FAM228B: variants seen among roughly 807,000 people sequenced by gnomAD.
FAM228B encodes family with sequence similarity 228 member B, also known as protein FAM228B.
A neutral mutation model predicts 42.6 loss-of-function variants in FAM228B; 38 were observed. The observed-to-expected ratio is 0.89, with a 90% CI of 0.69 to 1.17. The LOEUF (loss-of-function observed/expected upper bound fraction) is 1.17, where lower values mean the gene tolerates loss of function less well. Ranked by LOEUF, FAM228B falls within the 50% of genes most tolerant of loss-of-function variation. The probability of loss-of-function intolerance (pLI) is 0.00; values close to 1 mark genes in which losing one functional copy is unlikely to be tolerated. For missense variants in FAM228B, 344 were observed against 367.3 expected (o/e 0.94, Z 0.52); for synonymous variants, 109 against 122.3 (o/e 0.89, Z 0.72).
intron 1 of FAM228B, among the ~76,000 whole-genome samples, chr2:24,123,876 G>A (rs1200594077): frequency 6.6e-6 from 1 of 152,172 alleles, no homozygotes; most frequent in Non-Finnish European, 1.5e-5. Flanking sequence ...CGTGCCTCGG[G>A]GAGGACTTCG....
At chr2:24,151,309 C>G (rs1375418712) in intron 7 of FAM228B, among the ~76,000 whole-genome samples, 1 of 150,738 alleles carries the variant, frequency 6.6e-6, no homozygotes, top group Non-Finnish European at 1.5e-5. Context: ...TTTTTTGAGA[C>G]AGAGTCTTGC....
intron 3 of FAM228B, chr2:24,096,015 T>G (rs1665490685): frequency 6.6e-6 from 1 of 152,108 alleles, no homozygotes; most frequent in Admixed American, 6.6e-5. Flanking sequence ...TCCAGCAAAC[T>G]CCAACCGACC....
rs1278647501 is a variant in FAM228B at position 24,084,401 on chromosome 2, C to A, written c.-210+3446C>A. 1 of 1,449,170 alleles carries A rather than the reference C, an allele frequency of 6.9e-7. No individual in the cohort carries two copies. Among genetic ancestry groups the A allele is most frequent in the African/African-American group, 1.4e-5 (1 of 71,078 alleles). 89.8% of individuals were successfully genotyped at this position (1,449,170 alleles called of 1,614,324 possible). On this transcript the variant is annotated intron_variant, in intron 2 of 10. Transcript: ENST00000613899. The surrounding 1 kb of genome is among the most constrained non-coding windows in gnomAD (Gnocchi z 8.4). ...CAGGGCAGGACAGGACAGGGCAGGG[C>A]AGGACAGGACAGGGCAGGGGCCGCT...
At chr2:24,104,734 G>T (rs1665671492) in intron 3 of FAM228B, among the ~76,000 whole-genome samples, 1 of 152,188 alleles carries the variant, frequency 6.6e-6, no homozygotes. Context: ...CTGCTTCTGT[G>T]TGGATTCAAC....
At chr2:24,129,186 C>G (rs561817916) in intron 2 of FAM228B, among the ~76,000 whole-genome samples, 1 of 152,288 alleles carries the variant, frequency 6.6e-6, no homozygotes, top group East Asian at 1.9e-4. Flanking sequence ...CTCCAGACTC[C>G]CATCCCCACT....
At position 24,080,981 on chromosome 2, in the gene FAM228B, C is replaced by CATGGATTAGCAGG. The variant is rs745484769; in HGVS notation, c.-210+27_-210+28insTGGATTAGCAGGA. 1 of 1,614,092 alleles carries CATGGATTAGCAGG rather than the reference C, an allele frequency of 6.2e-7. No homozygotes were observed. Among genetic ancestry groups the CATGGATTAGCAGG allele is most frequent in the Non-Finnish European group, 8.5e-7 (1 of 1,180,054 alleles). On this transcript the variant is annotated intron_variant, in intron 2 of 10. Coordinates refer to the FAM228B transcript ENST00000613899. The surrounding 1 kb of genome is among the most constrained non-coding windows in gnomAD (Gnocchi z 4.7). Reference sequence around the variant, plus strand: ...GTGAGTTGGATAGCAGCTGTGCCCACACCACTCAGTCCTGCATGGATTAGC... The same window carrying CATGGATTAGCAGG: ...GTGAGTTGGATAGCAGCTGTGCCCACATGGATTAGCAGGACCACTCAGTCCTGCATGGATTAGC...
chr2:24,104,054 A>G (rs1373238420), intron 3 of FAM228B, among the ~76,000 whole-genome samples: 1 of 152,204 alleles, frequency 6.6e-6, no homozygotes, highest in Non-Finnish European at 1.5e-5. Flanking sequence ...CAGGCCGATC[A>G]TCTGAAAAAC....
intron 7 of FAM228B, among the ~76,000 whole-genome samples, chr2:24,158,746 G>T (rs984903764): frequency 1.3e-5 from 2 of 152,152 alleles, no homozygotes; most frequent in African/African-American, 2.4e-5. Context: ...CTAGATTTTG[G>T]TGACTACATT....
intron 9 of FAM228B, chr2:24,165,223 C>A: frequency 3.4e-6 from 1 of 297,182 alleles, no homozygotes; most frequent in Non-Finnish European, 7.2e-6. Context: ...GAAGAGCTGG[C>A]ACCGATGTCT....
intron 2 of FAM228B, among the ~76,000 whole-genome samples, chr2:24,086,282 TG>T (rs1399647537): frequency 6.7e-6 from 1 of 148,190 alleles, no homozygotes; most frequent in Non-Finnish European, 1.5e-5. Flanking sequence ...GAGGAATGGA[TG>T]AAGAAGATTC....
chr2:24,137,870 T>G (rs761382613), intron 3 of FAM228B, 39 bp from the exon 4 acceptor site: 21 of 1,416,424 alleles, frequency 1.5e-5, no homozygotes, highest in Non-Finnish European at 2.0e-5. Context: ...AAGAAAGCTT[T>G]AGGATAATAT....
upstream of FAM228B, chr2:24,122,340 AGT>A: frequency 4.6e-6 from 5 of 1,080,198 alleles, no homozygotes; most frequent in Middle Eastern, 2.1e-4. Context: ...AAAAAAAAAA[AGT>A]CATGTCTGCT....
chr2:24,136,272 G>C (rs1207017264), intron 3 of FAM228B, among the ~76,000 whole-genome samples: 7 of 151,906 alleles, frequency 4.6e-5, no homozygotes, highest in African/African-American at 1.5e-4. Context: ...CTTTGCCCAG[G>C]CTGGAGTGCA....
chr2:24,158,931 G>T (rs1667224595), intron 7 of FAM228B, among the ~76,000 whole-genome samples: 1 of 152,218 alleles, frequency 6.6e-6, no homozygotes, highest in African/African-American at 2.4e-5. Flanking sequence ...TCCAGGTACT[G>T]GCAGGGCCAC....
intron 5 of FAM228B, among the ~76,000 whole-genome samples, chr2:24,145,532 A>C (rs1666873691): frequency 6.6e-6 from 1 of 152,198 alleles, no homozygotes. Flanking sequence ...CCCCAGATGC[A>C]CAGATGTCAA....
intron 3 of FAM228B, among the ~76,000 whole-genome samples, chr2:24,103,981 G>C (rs1665655956): frequency 6.6e-6 from 1 of 152,220 alleles, no homozygotes; most frequent in African/African-American, 2.4e-5. Flanking sequence ...TAGTGGACTA[G>C]AGGCAGCTCA....
At chr2:24,081,075 C>G in intron 2 of FAM228B, 1 of 1,545,774 alleles carries the variant, frequency 6.5e-7, no homozygotes, top group Non-Finnish European at 8.9e-7. Flanking sequence ...GCAACTGCTA[C>G]ACATTCCCCA....
At chr2:24,153,143 G>GCC (rs1667059843) in intron 7 of FAM228B, among the ~76,000 whole-genome samples, 1 of 152,164 alleles carries the variant, frequency 6.6e-6, no homozygotes, top group Admixed American at 6.5e-5. Flanking sequence ...AAGAGCCCAG[G>GCC]CCCAGACTCA....
intron 2 of FAM228B, among the ~76,000 whole-genome samples, chr2:24,132,464 GTTTTTTTTTTTTTT>G (rs548264853): frequency 0.072 from 4,026 of 56,154 alleles, 141 homozygotes; most frequent in South Asian, 0.14. Flanking sequence ...TCCTGGGATT[GTTTTTTTTTTTTTT>G]TTTTTTTTTT....
Sources: allele counts gnomAD v4.1 joint callset (sites outside exome capture counted in the v4.1 genomes callset), GRCh38; gene constraint gnomAD v4.1.1; non-coding constraint Gnocchi (gnomAD v3.1); transcripts MANE v1.5; gene names NCBI Gene and HGNC (gene_info 2026-07-23, HGNC 2026-07-21).